The following LRRC36 variants were observed in gnomAD, a reference collection of about 807,000 sequenced individuals.
LRRC36 encodes the protein leucine rich repeat containing 36.
In LRRC36, 62 loss-of-function variants were observed where a neutral mutation model predicts 81.1. The ratio of observed to expected loss-of-function variants is 0.76; its 90% confidence interval spans 0.62 to 0.94. LRRC36 has a LOEUF of 0.94. Among genes scored for constraint, LRRC36 ranks in the 40% least tolerant of loss-of-function variants. The pLI is 0.00. For synonymous variants in LRRC36, 334 were observed against 348.6 expected, an observed-to-expected ratio of 0.96 and a Z score of 0.47; for missense variants, 761 against 881.7, an observed-to-expected ratio of 0.86 and a Z score of 1.73.
chr16:67,381,285 A>G (rs1001768978), intron 12 of LRRC36, among the ~76,000 whole-genome samples: 104 of 152,016 alleles, frequency 6.8e-4, no homozygotes, highest in African/African-American at 2.4e-3. Flanking sequence ...CATCATTACA[A>G]CCGGAGTTCC....
At chr16:67,328,041 T>C (rs1035815855) in intron 1 of LRRC36, among the ~76,000 whole-genome samples, 1 of 152,068 alleles carries the variant, frequency 6.6e-6, no homozygotes, top group Non-Finnish European at 1.5e-5. Flanking sequence ...TAAAAGAGAC[T>C]GCAGAAATAG....
intron 13 of LRRC36, 51 bp from the exon 14 acceptor site, chr16:67,384,819 A>G: frequency 7.0e-7 from 1 of 1,433,610 alleles, no homozygotes; most frequent in Non-Finnish European, 9.8e-7. Flanking sequence ...TCTGCATGGT[A>G]TCTCTCTTGC....
At chr16:67,336,337 A>C (rs1422668338) in intron 1 of LRRC36, among the ~76,000 whole-genome samples, 1 of 152,168 alleles carries the variant, frequency 6.6e-6, no homozygotes, top group African/African-American at 2.4e-5. Flanking sequence ...TAAAGTTTCA[A>C]CTTGCTTGAG....
intron 1 of LRRC36, among the ~76,000 whole-genome samples, chr16:67,333,481 G>A (rs2037599325): frequency 6.6e-6 from 1 of 152,094 alleles, no homozygotes; most frequent in South Asian, 2.1e-4. Context: ...TTACAATGTT[G>A]TGCAAGCATC....
chr16:67,378,568 A>G (rs1374479384), intron 11 of LRRC36, 21 bp from the exon 12 acceptor site: 2 of 1,612,036 alleles, frequency 1.2e-6, no homozygotes, highest in Admixed American at 1.7e-5. Flanking sequence ...ATGTATTTGT[A>G]TTTTGTTTTC....
intron 1 of LRRC36, among the ~76,000 whole-genome samples, chr16:67,331,342 A>G (rs1597416096): frequency 6.6e-6 from 1 of 151,718 alleles, no homozygotes; most frequent in African/African-American, 2.4e-5. Flanking sequence ...TGGGCAACAC[A>G]GCAAGATCCT....
chr16:67,334,266 G>A lies in LRRC36; in HGVS notation c.70+7334G>A, dbSNP rs146213099. On this transcript the variant is annotated intron_variant, in intron 1 of 13. Transcript: ENST00000329956. ...GATCTCCTGACCTCGTGATCCGCCC[G>A]CCTCGGCTTCCCAAAGTGCTGGGAT... Among the ~76,000 whole-genome samples, 1,348 of 151,886 alleles carry A rather than the reference G, an allele frequency of 8.9e-3. 26 individuals carry two copies. The highest frequency in any genetic ancestry group is 0.059 in the East Asian group (307 of 5,160).
intron 13 of LRRC36, 152 bp from the exon 14 acceptor site, chr16:67,384,718 G>A: frequency 1.6e-6 from 1 of 614,414 alleles, no homozygotes; most frequent in Non-Finnish European, 2.9e-6. Flanking sequence ...CTTTAAGTCT[G>A]CTTTTAAAAT....
Position 67,369,058 on chromosome 16 carries a change from C to G in LRRC36, c.1195+1601C>G, listed in dbSNP as rs140487583. Reference sequence around the variant, plus strand: ...GCCTTATTAAAACTTTCCAGAGATGCCAATTTGGTAATTGGACATACTAGT... The same window carrying G: ...GCCTTATTAAAACTTTCCAGAGATGGCAATTTGGTAATTGGACATACTAGT... On this transcript the variant is annotated intron_variant, in intron 8 of 13. Coordinates refer to ENST00000329956, the MANE Select transcript of LRRC36 (RefSeq NM_018296.6). 2.1e-3 allele frequency among the ~76,000 whole-genome samples: 322 copies of G among 152,186 alleles called. 2 individuals carry two copies. The highest frequency in any genetic ancestry group is 7.4e-3 in the African/African-American group (307 of 41,500).
At chr16:67,351,643 G>T (rs1189603388) in intron 5 of LRRC36, among the ~76,000 whole-genome samples, 1 of 152,130 alleles carries the variant, frequency 6.6e-6, no homozygotes, top group African/African-American at 2.4e-5. Flanking sequence ...GGAAGCGGAG[G>T]TTGCAGTGAG....
At position 67,346,397 on chromosome 16, in the gene LRRC36, A is replaced by G; in HGVS notation, c.340A>G (p.Thr114Ala). 6.2e-7 allele frequency: 1 copy of G among 1,613,438 alleles called. No homozygotes were observed. Among genetic ancestry groups the G allele is most frequent in the African/African-American group, 1.3e-5 (1 of 75,050 alleles). ...LRLNPVVRKD[T>A]DYRLFAVYTL... Reference sequence around the variant, plus strand: ...ACTTAATCCTGTTGTAAGGAAAGATACAGATTATAGGCTCTTTGCTGTATA... The same window carrying G: ...ACTTAATCCTGTTGTAAGGAAAGATGCAGATTATAGGCTCTTTGCTGTATA... The change falls in exon 3 of 14, where the codon ACA (threonine) becomes GCA (alanine). Residue 114 changes from threonine to alanine, a missense_variant. Physicochemically the swap from Thr to Ala is moderately conservative, Grantham distance 58. Around this residue, in one of 3 missense-constraint regions of LRRC36, gnomAD observed 263 missense variants for 279.3 expected, o/e 0.94. Coordinates refer to ENST00000329956, the MANE Select transcript of LRRC36 (RefSeq NM_018296.6).
chr16:67,357,906 C>T (rs1018779628), intron 5 of LRRC36, among the ~76,000 whole-genome samples: 19 of 152,138 alleles, frequency 1.2e-4, no homozygotes, highest in Non-Finnish European at 1.3e-4. Flanking sequence ...AGCCTTTTCT[C>T]TGTTATTACA....
chr16:67,378,791 A>G, intron 12 of LRRC36, 79 bp downstream of exon 12: 1 of 1,511,986 alleles, frequency 6.6e-7, no homozygotes, highest in Admixed American at 1.9e-5. Flanking sequence ...AGTAACCTTC[A>G]TCATGCTAGC....
At chr16:67,352,049 A>G (rs1423672540) in intron 5 of LRRC36, among the ~76,000 whole-genome samples, 1 of 152,200 alleles carries the variant, frequency 6.6e-6, no homozygotes, top group South Asian at 2.1e-4. Flanking sequence ...CTGTTTTTGT[A>G]TAAGCTGAAT....
Position 67,385,080 on chromosome 16 carries a change from T to G in LRRC36, c.2256T>G (p.Pro752=). ...GCGTCTTGGATGCTGCCCCAGAGCC[T>G]GGCTTATAGAGCTAGCATGGAACTC... The part of the protein sequence containing the change: ...IQSVLDAAPE[P]GL Residue 752 remains proline (P), a synonymous_variant, in exon 14 of 14, where the codon CCT becomes CCG. Transcript: ENST00000329956. 1 of 1,613,442 alleles carries G rather than the reference T, an allele frequency of 6.2e-7. No individual in the cohort carries two copies. Among genetic ancestry groups the G allele is most frequent in the Non-Finnish European group, 8.5e-7 (1 of 1,179,666 alleles).
At chr16:67,378,841 C>A in intron 12 of LRRC36, 129 bp downstream of exon 12, 2 of 981,662 alleles carry the variant, frequency 2.0e-6, no homozygotes, top group Non-Finnish European at 3.0e-6. Context: ...ATCAGTTTTC[C>A]TGGCAGTTAA....
At chr16:67,346,896 ACAGGGTCTCACTCTGTTGCC>A (rs1211761013) in intron 3 of LRRC36, among the ~76,000 whole-genome samples, 5 of 151,896 alleles carry the variant, frequency 3.3e-5, no homozygotes, top group African/African-American at 1.2e-4. Context: ...TTATTTTGAG[ACAGGGTCTCACTCTGTTGCC>A]CAGGCTGGAG....
At chr16:67,345,379 G>C (rs964589724) in intron 2 of LRRC36, among the ~76,000 whole-genome samples, 1 of 151,488 alleles carries the variant, frequency 6.6e-6, no homozygotes, top group Non-Finnish European at 1.5e-5. Flanking sequence ...CTGAAATTTA[G>C]TATTGGGCAA....
rs2039999751 is a variant in LRRC36, at chr16:67,378,621, G to A, written c.1839G>A (p.Leu613=). ...ESLKQKLVRV[L]EENLILSEKI... is the part of the protein sequence containing the mutation. ...TGAAGCAAAAACTGGTCAGAGTGCTGGAGGAAAACCTCATTTTGTCAGAAA... is the reference window on the plus strand; with the variant it reads ...TGAAGCAAAAACTGGTCAGAGTGCTAGAGGAAAACCTCATTTTGTCAGAAA... Residue 613 remains leucine (L), a synonymous_variant, in exon 12 of 14, where the codon CTG becomes CTA. Transcript: ENST00000329956. 2.5e-6 allele frequency: 4 copies of A among 1,613,930 alleles called. No homozygotes were observed. The highest frequency in any genetic ancestry group is 2.7e-5 in the African/African-American group (2 of 74,912).
Sources: gnomAD v4.1 joint callset for allele counts (sites outside exome capture counted in the v4.1 genomes callset) on GRCh38, gnomAD v4.1.1 for gene constraint, gnomAD v4.1.1 regional missense constraint, MANE v1.5 for transcripts, NCBI Gene and HGNC (gene_info 2026-07-23, HGNC 2026-07-21) for gene names.